SLC24A2: variants seen among roughly 807,000 people sequenced by gnomAD.
SLC24A2 encodes solute carrier family 24 member 2.
Under a neutral mutation model 62.0 loss-of-function variants are expected in SLC24A2, and 36 were observed. The observed-to-expected ratio is 0.58, with a 90% CI of 0.44 to 0.77. The LOEUF (loss-of-function observed/expected upper bound fraction) is 0.77. Ranked by LOEUF, SLC24A2 falls within the 30% of genes least tolerant of loss-of-function variation. SLC24A2 has a pLI of 0.00. For synonymous variants in SLC24A2, 358 were observed against 294.0 expected, an observed-to-expected ratio of 1.22 and a Z score of -2.23; for missense variants, 846 against 817.9, an observed-to-expected ratio of 1.03 and a Z score of -0.42.
chr9:20,287,409 G>C, the SLC24A2 span, among the ~76,000 whole-genome samples: 2 of 152,166 alleles, frequency 1.3e-5, no homozygotes, highest in Non-Finnish European at 2.9e-5. Context: ...CTCCTGCCCA[G>C]GTAACTTTTA....
intron 8 of SLC24A2, among the ~76,000 whole-genome samples, chr9:19,539,319 C>A (rs1586917613): frequency 7.4e-6 from 1 of 134,870 alleles, no homozygotes; most frequent in South Asian, 2.7e-4. Flanking sequence ...TTGGATCTTT[C>A]CTGCTTTCTC....
chr9:20,052,179 C>G, the SLC24A2 span, among the ~76,000 whole-genome samples: 2 of 152,124 alleles, frequency 1.3e-5, no homozygotes, highest in Non-Finnish European at 2.9e-5. Context: ...GGATATAGCT[C>G]AGCCATCTCA....
chr9:20,170,043 A>G, the SLC24A2 span, among the ~76,000 whole-genome samples: 5 of 152,030 alleles, frequency 3.3e-5, no homozygotes, highest in Admixed American at 3.3e-4. Context: ...AATACTCTGG[A>G]AAATCTCAGC....
At chr9:19,608,322 T>A (rs1357164865) in intron 4 of SLC24A2, among the ~76,000 whole-genome samples, 1 of 152,160 alleles carries the variant, frequency 6.6e-6, no homozygotes. Context: ...TGAAGCTTTT[T>A]TTTTTTTTAA....
intron 8 of SLC24A2, among the ~76,000 whole-genome samples, chr9:19,532,439 G>T (rs906597864): frequency 6.6e-6 from 1 of 152,156 alleles, no homozygotes; most frequent in Non-Finnish European, 1.5e-5. Context: ...AGGCCGAATA[G>T]AATGTAAATG....
the SLC24A2 span, among the ~76,000 whole-genome samples, chr9:19,981,456 CTG>C: frequency 6.6e-6 from 1 of 152,038 alleles, no homozygotes; most frequent in South Asian, 2.1e-4. Flanking sequence ...ATGGTCAATT[CTG>C]TGTGTTGGTA....
chr9:20,217,813 G>C, the SLC24A2 span, among the ~76,000 whole-genome samples: 3 of 152,128 alleles, frequency 2.0e-5, no homozygotes, highest in African/African-American at 4.8e-5. Context: ...AGTCACATCT[G>C]GCTATCTTCT....
intron 9 of SLC24A2, among the ~76,000 whole-genome samples, chr9:19,525,105 A>G (rs1586889425): frequency 6.6e-6 from 1 of 152,152 alleles, no homozygotes; most frequent in African/African-American, 2.4e-5. Context: ...CAATGAGTGT[A>G]TAAAATAATG....
intron 4 of SLC24A2, among the ~76,000 whole-genome samples, chr9:19,600,398 T>G (rs1323321709): frequency 1.3e-5 from 2 of 152,212 alleles, no homozygotes; most frequent in African/African-American, 4.8e-5. Context: ...AACTTTACTT[T>G]GGGGAGGAAT....
the SLC24A2 span, among the ~76,000 whole-genome samples, chr9:20,302,540 G>A: frequency 6.6e-6 from 1 of 152,166 alleles, no homozygotes; most frequent in African/African-American, 2.4e-5. Context: ...GTGGTGAGGT[G>A]TCTGTTGAGA....
the SLC24A2 span, among the ~76,000 whole-genome samples, chr9:19,823,286 C>T: frequency 7.3e-6 from 1 of 136,244 alleles, no homozygotes; most frequent in Admixed American, 8.0e-5. Flanking sequence ...CCCAGGTTCC[C>T]TGTATTAACA....
chr9:20,048,657 T>C, the SLC24A2 span, among the ~76,000 whole-genome samples: 2 of 152,032 alleles, frequency 1.3e-5, no homozygotes, highest in African/African-American at 4.8e-5. Context: ...AATAAAAGTA[T>C]ACCTTCAGCT....
intron 2 of SLC24A2, among the ~76,000 whole-genome samples, chr9:19,697,757 T>G (rs1236523446): frequency 2.0e-5 from 3 of 152,186 alleles, no homozygotes; most frequent in African/African-American, 4.8e-5. Flanking sequence ...AAGACACAAT[T>G]CATACTTTCC....
chr9:19,843,038 G>A, the SLC24A2 span, among the ~76,000 whole-genome samples: 8 of 152,100 alleles, frequency 5.3e-5, no homozygotes, highest in African/African-American at 1.7e-4. Context: ...TATATATCCC[G>A]TGGTAGTGTT....
the SLC24A2 span, among the ~76,000 whole-genome samples, chr9:20,063,116 A>G: frequency 8.2e-6 from 1 of 122,188 alleles, no homozygotes; most frequent in Admixed American, 9.5e-5. Flanking sequence ...TAGAAATACC[A>G]TTTGACACAG....
At chr9:19,725,998 G>C (rs1564065550) in intron 2 of SLC24A2, among the ~76,000 whole-genome samples, 1 of 152,156 alleles carries the variant, frequency 6.6e-6, no homozygotes, top group African/African-American at 2.4e-5. Flanking sequence ...CAGTATACAG[G>C]CTTCTTATTA....
intron 2 of SLC24A2, among the ~76,000 whole-genome samples, chr9:19,687,404 A>G (rs1819915125): frequency 1.3e-5 from 2 of 151,996 alleles, no homozygotes; most frequent in African/African-American, 4.8e-5. Context: ...CCATTATGAA[A>G]CTCTGTAGGA....
chr9:19,919,031 G>A, the SLC24A2 span, among the ~76,000 whole-genome samples: 2 of 152,094 alleles, frequency 1.3e-5, no homozygotes, highest in Admixed American at 1.3e-4. Context: ...AATGAAGGTT[G>A]GAGTTTTGAT....
chr9:20,113,040 T>G, the SLC24A2 span, among the ~76,000 whole-genome samples: 1 of 152,082 alleles, frequency 6.6e-6, no homozygotes, highest in Non-Finnish European at 1.5e-5. Flanking sequence ...TAATGTGACA[T>G]GCCTGGCAGC....
Sources: gnomAD v4.1 joint callset for allele counts (sites outside exome capture counted in the v4.1 genomes callset) on GRCh38, gnomAD v4.1.1 for gene constraint, MANE v1.5 for transcripts, NCBI Gene and HGNC (gene_info 2026-07-23, HGNC 2026-07-21) for gene names.